The following MAGI2 variants were observed in gnomAD, a reference collection of about 807,000 sequenced individuals.
MAGI2 encodes membrane-associated guanylate kinase, WW and PDZ domain-containing protein 2.
A neutral mutation model predicts 133.3 loss-of-function variants in MAGI2; 35 were observed. The ratio of observed to expected loss-of-function variants is 0.26; its 90% CI spans 0.20 to 0.35. The LOEUF (loss-of-function observed/expected upper bound fraction) is 0.35, where lower values mean the gene tolerates loss of function less well. Ranked by LOEUF, MAGI2 falls within the 10% of genes least tolerant of loss-of-function variation. The pLI is 1.00. For synonymous variants in MAGI2, 729 were observed against 710.6 expected (o/e 1.03, Z -0.41); for missense variants, 1,636 against 1,863.4 (o/e 0.88, Z 2.25).
chr7:78,578,318 A>C (rs1802480062), intron 3 of MAGI2, among the ~76,000 whole-genome samples: 1 of 152,130 alleles, frequency 6.6e-6, no homozygotes, highest in African/African-American at 2.4e-5. Flanking sequence ...TGAAAATATT[A>C]CATATAATAA....
At chr7:79,337,937 A>C (rs1840561686) in intron 1 of MAGI2, among the ~76,000 whole-genome samples, 2 of 152,222 alleles carry the variant, frequency 1.3e-5, no homozygotes, top group Admixed American at 1.3e-4. Flanking sequence ...CAAATGAGTA[A>C]AGCTAGTGAC....
intron 1 of MAGI2, among the ~76,000 whole-genome samples, chr7:79,420,081 C>T (rs1441306200): frequency 6.6e-6 from 1 of 152,014 alleles, no homozygotes; most frequent in East Asian, 1.9e-4. Flanking sequence ...GACCATCTAA[C>T]CTAATTTTAG....
At chr7:78,314,943 T>C (rs1331798134) in intron 9 of MAGI2, among the ~76,000 whole-genome samples, 1 of 152,154 alleles carries the variant, frequency 6.6e-6, no homozygotes, top group East Asian at 1.9e-4. Flanking sequence ...TACCCCTTTA[T>C]TACGGGTGGA....
intron 1 of MAGI2, among the ~76,000 whole-genome samples, chr7:79,408,297 G>T (rs566336037): frequency 6.6e-6 from 1 of 151,846 alleles, no homozygotes; most frequent in Non-Finnish European, 1.5e-5. Context: ...AATTTCATTT[G>T]TAATCTGCCT....
chr7:78,529,320 A>T (rs1426270123), intron 3 of MAGI2, among the ~76,000 whole-genome samples: 1 of 152,180 alleles, frequency 6.6e-6, no homozygotes, highest in Non-Finnish European at 1.5e-5. Context: ...TTGTTCATGT[A>T]AAGGAAATTG....
chr7:78,670,566 C>T (rs936117063), intron 2 of MAGI2, among the ~76,000 whole-genome samples: 2 of 151,990 alleles, frequency 1.3e-5, no homozygotes, highest in African/African-American at 4.8e-5. Context: ...AATTGGAAAA[C>T]ATTACTTTAA....
chr7:78,019,579 C>G lies in MAGI2; in HGVS notation c.4104G>C (p.Ala1368=). ...ADAARAGGKE[A]PRAAAGSELC... ...GCTCGGAGCCCGCCGCCGCACGGGGCGCCTCCTTCCCGCCCGCCCGCGCCG... is the reference window on the plus strand; with the variant it reads ...GCTCGGAGCCCGCCGCCGCACGGGGGGCCTCCTTCCCGCCCGCCCGCGCCG... The change falls in exon 22 of 22, where the codon GCG becomes GCC. Residue 1368 remains alanine, a synonymous_variant. Coordinates refer to ENST00000354212, the MANE Select transcript of MAGI2 (RefSeq NM_012301.4). The G allele has an allele frequency of 1.0e-6, 1 of 980,580 alleles. No individual in the cohort carries two copies. The highest frequency in any genetic ancestry group is 1.2e-6 in the Non-Finnish European group (1 of 828,208). 60.7% of individuals were successfully genotyped at this position (980,580 alleles called of 1,614,324 possible).
intron 2 of MAGI2, among the ~76,000 whole-genome samples, chr7:78,727,413 G>A (rs1401215990): frequency 2.0e-5 from 3 of 152,188 alleles, no homozygotes; most frequent in Non-Finnish European, 1.5e-5. Context: ...AGTGCCCATA[G>A]AAATACTACA....
intron 1 of MAGI2, among the ~76,000 whole-genome samples, chr7:79,162,499 A>C (rs1396794593): frequency 3.3e-5 from 5 of 152,084 alleles, no homozygotes; most frequent in Non-Finnish European, 7.4e-5. Flanking sequence ...AATTAGGTCA[A>C]GGTCAAACCC....
chr7:78,183,551 A>G (rs1827397658), intron 13 of MAGI2, among the ~76,000 whole-genome samples: 1 of 151,894 alleles, frequency 6.6e-6, no homozygotes, highest in South Asian at 2.1e-4. Context: ...GGCATGCACC[A>G]CCGCAATCGG....
chr7:79,354,727 C>T (rs1841908636), intron 1 of MAGI2, among the ~76,000 whole-genome samples: 1 of 152,132 alleles, frequency 6.6e-6, no homozygotes, highest in Non-Finnish European at 1.5e-5. Context: ...CTTTTAAATG[C>T]TCACCTCGGT....
At chr7:78,427,648 GAACA>G (rs1268452652) in intron 6 of MAGI2, among the ~76,000 whole-genome samples, 4 of 65,918 alleles carry the variant, frequency 6.1e-5, no homozygotes, top group Non-Finnish European at 1.0e-4. Flanking sequence ...GTAACTGAGA[GAACA>G]AAAAGACAAA....
At chr7:78,318,024 G>A (rs751847112) in intron 9 of MAGI2, among the ~76,000 whole-genome samples, 2 of 152,076 alleles carry the variant, frequency 1.3e-5, no homozygotes, top group Admixed American at 1.3e-4. Context: ...AGAAACCAGC[G>A]CAAAAAGGCT....
chr7:79,319,821 C>T (rs899927538), intron 1 of MAGI2, among the ~76,000 whole-genome samples: 7 of 152,086 alleles, frequency 4.6e-5, no homozygotes, highest in Admixed American at 2.0e-4. Context: ...TGAAACCTAG[C>T]GGTGCCAGAT....
intron 1 of MAGI2, among the ~76,000 whole-genome samples, chr7:79,397,634 T>C (rs981259222): frequency 2.0e-5 from 3 of 152,114 alleles, no homozygotes; most frequent in African/African-American, 7.2e-5. Flanking sequence ...TTTCTTGATA[T>C]TTGTTAGTTT....
intron 2 of MAGI2, among the ~76,000 whole-genome samples, chr7:78,666,756 G>T (rs545411334): frequency 9.9e-5 from 15 of 152,268 alleles, no homozygotes; most frequent in African/African-American, 3.1e-4. Flanking sequence ...AGAAAATACT[G>T]CTCTCTTTAC....
chr7:79,030,247 C>T (rs1268838339), intron 1 of MAGI2: 1 of 152,190 alleles, frequency 6.6e-6, no homozygotes, highest in Non-Finnish European at 1.5e-5. Context: ...TCTGTGTTCA[C>T]ATAGGCAGCA....
chr7:78,869,971 A>G (rs1794899079), intron 2 of MAGI2, among the ~76,000 whole-genome samples: 1 of 152,186 alleles, frequency 6.6e-6, no homozygotes, highest in African/African-American at 2.4e-5. Context: ...TTCTACCAGT[A>G]CCATTCTGCT....
At chr7:78,668,819 C>T (rs1813961709) in intron 2 of MAGI2, among the ~76,000 whole-genome samples, 1 of 141,026 alleles carries the variant, frequency 7.1e-6, no homozygotes, top group African/African-American at 2.7e-5. Context: ...TCCTGAATGA[C>T]TACTGGGTAC....
Sources: gnomAD v4.1 joint callset for allele counts (sites outside exome capture counted in the v4.1 genomes callset) on GRCh38, gnomAD v4.1.1 for gene constraint, MANE v1.5 for transcripts, NCBI Gene and HGNC (gene_info 2026-07-23, HGNC 2026-07-21) for gene names.